The following MALRD1 variants were observed in gnomAD, a reference collection of about 807,000 sequenced individuals.
The protein encoded by MALRD1 is MAM and LDL-receptor class A domain-containing protein 1.
A neutral mutation model predicts 242.1 loss-of-function variants in MALRD1; 247 were observed. That is an observed-to-expected ratio of 1.02 (90% CI 0.92 to 1.13). The LOEUF is 1.13. Ranked by LOEUF, MALRD1 falls within the 50% of genes most tolerant of loss-of-function variation. The pLI, the probability that MALRD1 is intolerant of heterozygous loss-of-function variation, is 0.00. For missense variants in MALRD1, 2,989 were observed against 2,533.1 expected (o/e 1.18, Z -3.86); for synonymous variants, 995 against 866.6 (o/e 1.15, Z -2.60).
chr10:19,364,846 T>A (rs995707206), intron 26 of MALRD1, among the ~76,000 whole-genome samples: 5 of 152,228 alleles, frequency 3.3e-5, no homozygotes, highest in African/African-American at 9.6e-5. Context: ...AACTCTATCA[T>A]TGTTCCAAGA....
intron 13 of MALRD1, among the ~76,000 whole-genome samples, chr10:19,169,029 C>T (rs1383046258): frequency 6.6e-6 from 1 of 152,120 alleles, no homozygotes; most frequent in Non-Finnish European, 1.5e-5. Context: ...CTATAATATC[C>T]AATCAGCAAT....
chr10:19,447,033 C>G (rs1835022427), intron 28 of MALRD1, among the ~76,000 whole-genome samples: 1 of 143,802 alleles, frequency 7.0e-6, no homozygotes, highest in Non-Finnish European at 1.5e-5. Context: ...AAAAGTTTCT[C>G]TGTTAGGAAC....
chr10:19,237,271 G>A (rs10827122), intron 18 of MALRD1, among the ~76,000 whole-genome samples: 32,513 of 150,684 alleles, frequency 0.22, 3,660 homozygotes, highest in Admixed American at 0.34. Flanking sequence ...CTGTTAACCA[G>A]TCTCCCTCCA....
chr10:19,080,369 A>G (rs529216256), intron 2 of MALRD1, among the ~76,000 whole-genome samples: 2 of 152,196 alleles, frequency 1.3e-5, no homozygotes, highest in South Asian at 4.1e-4. Context: ...TTCAAACTAT[A>G]CTACAAGGCT....
At chr10:19,424,019 A>G (rs1044774558) in intron 28 of MALRD1, among the ~76,000 whole-genome samples, 2 of 152,236 alleles carry the variant, frequency 1.3e-5, no homozygotes, top group African/African-American at 4.8e-5. Flanking sequence ...TAGCATCTAT[A>G]GTCGAAAATA....
chr10:19,487,536 A>G (rs1440650444), intron 29 of MALRD1, among the ~76,000 whole-genome samples: 1 of 126,648 alleles, frequency 7.9e-6, no homozygotes, highest in Admixed American at 8.1e-5. Context: ...TTTTTTTTTT[A>G]TAAAAGCCAA....
At chr10:19,402,914 T>C (rs1215321260) in intron 28 of MALRD1, among the ~76,000 whole-genome samples, 2 of 152,164 alleles carry the variant, frequency 1.3e-5, no homozygotes, top group Non-Finnish European at 2.9e-5. Flanking sequence ...GTCTTGTCAC[T>C]TACTACCACT....
intron 21 of MALRD1, among the ~76,000 whole-genome samples, chr10:19,308,555 T>C (rs1233708879): frequency 6.6e-6 from 1 of 151,636 alleles, no homozygotes; most frequent in African/African-American, 2.4e-5. Context: ...CTGCAGGCTG[T>C]TTTGTTCTTC....
rs185246292 is a variant in MALRD1 at position 19,540,653 on chromosome 10, G to T, written c.5478+9302G>T. Among the ~76,000 whole-genome samples, 49 of 152,156 alleles carry T rather than the reference G, an allele frequency of 3.2e-4. No individual in the cohort carries two copies. The East Asian group carries it at 8.5e-3, about 26-fold the overall frequency. On this transcript the variant is annotated intron_variant, in intron 32 of 39. Coordinates refer to ENST00000454679, the MANE Select transcript of MALRD1 (RefSeq NM_001142308.3). ...TATTCTCATGAGATGTTACTATATA[G>T]ACGAGGACCCAGCCCATCTCATAGT... is the stretch of plus-strand genomic sequence containing the variant.
intron 2 of MALRD1, among the ~76,000 whole-genome samples, chr10:19,070,460 AAATCCTAAGTG>A (rs1463990625): frequency 1.3e-5 from 2 of 152,162 alleles, no homozygotes; most frequent in Non-Finnish European, 2.9e-5. Flanking sequence ...TAAAGCAGAA[AAATCCTAAGTG>A]GAACCATTGT....
rs1843005750 is a variant in MALRD1 at position 19,323,934 on chromosome 10, A to G, written c.3420-15A>G. On this transcript the variant is annotated splice_polypyrimidine_tract_variant and intron_variant, in intron 21 of 39. Coordinates refer to ENST00000454679, the MANE Select transcript of MALRD1 (RefSeq NM_001142308.3). ...CCTCTTATTCCTTTTATAATATGAT[A>G]AATTCCTTTTCCAGAAATACCACTG... The G allele has an allele frequency of 1.9e-6, 3 of 1,550,044 alleles. No individual in the cohort carries two copies. The highest frequency in any genetic ancestry group is 2.7e-5 in the African/African-American group (2 of 73,134).
At chr10:19,303,539 A>G (rs1842039105) in intron 21 of MALRD1, among the ~76,000 whole-genome samples, 1 of 151,800 alleles carries the variant, frequency 6.6e-6, no homozygotes, top group Non-Finnish European at 1.5e-5. Context: ...ACTAATGCAT[A>G]TCTCTTGTAC....
intron 36 of MALRD1, among the ~76,000 whole-genome samples, chr10:19,660,510 G>A (rs942196975): frequency 6.6e-6 from 1 of 152,052 alleles, no homozygotes; most frequent in Non-Finnish European, 1.5e-5. Context: ...CAGCATCCTA[G>A]GCATGTTTAC....
chr10:19,193,840 A>AT (rs1232553709), intron 14 of MALRD1, among the ~76,000 whole-genome samples: 15 of 133,910 alleles, frequency 1.1e-4, no homozygotes, highest in African/African-American at 2.5e-4. Flanking sequence ...GGGGGAAAAA[A>AT]AATATATATA....
intron 26 of MALRD1, among the ~76,000 whole-genome samples, chr10:19,363,058 A>G (rs1844957999): frequency 6.6e-6 from 1 of 152,146 alleles, no homozygotes; most frequent in African/African-American, 2.4e-5. Context: ...GGACATGCTC[A>G]GTTTAAATGT....
chr10:19,460,856 T>C (rs944267183), intron 29 of MALRD1, among the ~76,000 whole-genome samples: 11 of 152,032 alleles, frequency 7.2e-5, no homozygotes, highest in African/African-American at 2.7e-4. Flanking sequence ...TCTGAAAACG[T>C]TGGTTGAAGC....
chr10:19,607,676 G>A, intron 34 of MALRD1, 101 bp from the exon 35 acceptor site: 1 of 1,363,574 alleles, frequency 7.3e-7, no homozygotes. Flanking sequence ...AAAATCAAGA[G>A]TAATATAATA....
chr10:19,717,520 TA>T (rs1834447405), intron 38 of MALRD1, among the ~76,000 whole-genome samples: 1 of 152,190 alleles, frequency 6.6e-6, no homozygotes, highest in African/African-American at 2.4e-5. Context: ...GTCATCCCAG[TA>T]AAAAGTCTGT....
intron 36 of MALRD1, among the ~76,000 whole-genome samples, chr10:19,647,209 T>A (rs1229145081): frequency 6.6e-6 from 1 of 152,190 alleles, no homozygotes; most frequent in Non-Finnish European, 1.5e-5. Flanking sequence ...TCACGCAAAT[T>A]TGCAATGTAC....
Sources: gnomAD v4.1 joint callset for allele counts (sites outside exome capture counted in the v4.1 genomes callset) on GRCh38, gnomAD v4.1.1 for gene constraint, MANE v1.5 for transcripts, NCBI Gene and HGNC (gene_info 2026-07-23, HGNC 2026-07-21) for gene names.